Variants in POLR3B observed in about 807,000 individuals in gnomAD.
POLR3B encodes the protein RNA polymerase III subunit B, also known as DNA-directed RNA polymerase III subunit RPC2.
POLR3B carries 96 observed loss-of-function variants against 147.4 expected under a neutral mutation model. The observed-to-expected ratio is 0.65, with a 90% confidence interval of 0.55 to 0.77. The LOEUF (loss-of-function observed/expected upper bound fraction) is 0.77. POLR3B is among the 30% of genes least tolerant of loss of function. POLR3B has a pLI of 0.00. For synonymous variants in POLR3B, 461 were observed against 485.9 expected, an observed-to-expected ratio of 0.95 and a Z score of 0.67; for missense variants, 1,036 against 1,413.5, an observed-to-expected ratio of 0.73 and a Z score of 4.28.
In POLR3B at chr12:106,509,587, C is replaced by G. The variant is rs377492248; in HGVS notation, c.*38C>G. ...TGATTATTAAAGAGAACAAGTGATA[C>G]ATCCAATGCAACGGAAAGCAGAAGG... On this transcript the variant is annotated 3_prime_UTR_variant, in exon 28 of 28. Coordinates refer to ENST00000228347, the MANE Select transcript of POLR3B (RefSeq NM_018082.6). 5 of 1,574,354 alleles carry G rather than the reference C, an allele frequency of 3.2e-6. No individual in the cohort carries two copies. Among genetic ancestry groups the G allele is most frequent in the Non-Finnish European group, 4.4e-6 (5 of 1,146,402 alleles).
chr12:106,446,417 CAAAA>C (rs10654233), intron 19 of POLR3B: 941 of 157,822 alleles, frequency 6.0e-3, no homozygotes, highest in South Asian at 0.017. Context: ...CCTCTCCCCA[CAAAA>C]AAAAAAAAAA....
chr12:106,468,371 A>G (rs908664911), intron 23 of POLR3B, among the ~76,000 whole-genome samples: 4 of 152,014 alleles, frequency 2.6e-5, no homozygotes, highest in South Asian at 2.1e-4. Flanking sequence ...CTAGTGGTCT[A>G]TGTATTTTGT....
intron 23 of POLR3B, among the ~76,000 whole-genome samples, chr12:106,471,285 G>A (rs1311940420): frequency 1.3e-5 from 2 of 152,166 alleles, no homozygotes; most frequent in Non-Finnish European, 2.9e-5. Context: ...CACAGGAGGG[G>A]ATCTCCTGCT....
At chr12:106,379,661 C>A (rs773889821) in intron 8 of POLR3B, among the ~76,000 whole-genome samples, 3 of 152,124 alleles carry the variant, frequency 2.0e-5, no homozygotes, top group Non-Finnish European at 2.9e-5. Flanking sequence ...AAATTCATTT[C>A]TTTTTAATTT....
intron 25 of POLR3B, chr12:106,500,167 G>A (rs192265188): frequency 2.6e-5 from 12 of 455,968 alleles, no homozygotes; most frequent in Middle Eastern, 3.3e-4. Flanking sequence ...GTAGCACATG[G>A]TAGTTGCTTC....
intron 27 of POLR3B, among the ~76,000 whole-genome samples, chr12:106,508,923 G>C (rs1247764608): frequency 6.6e-6 from 1 of 152,154 alleles, no homozygotes; most frequent in African/African-American, 2.4e-5. Flanking sequence ...CAGACTTTAC[G>C]TATCTCAGTG....
chr12:106,492,701 A>T (rs964132443), intron 23 of POLR3B, among the ~76,000 whole-genome samples: 6 of 152,236 alleles, frequency 3.9e-5, no homozygotes, highest in Non-Finnish European at 7.3e-5. Flanking sequence ...GAAGCATGAT[A>T]CAGAGAGCTG....
chr12:106,448,968 T>A (rs1409375103), intron 19 of POLR3B, among the ~76,000 whole-genome samples: 1 of 152,134 alleles, frequency 6.6e-6, no homozygotes, highest in African/African-American at 2.4e-5. Flanking sequence ...CCTTTTCTGG[T>A]AGAATGTAAA....
intron 23 of POLR3B, among the ~76,000 whole-genome samples, chr12:106,472,876 C>G (rs1210413112): frequency 7.4e-6 from 1 of 135,824 alleles, no homozygotes; most frequent in East Asian, 1.9e-4. Flanking sequence ...AATGAGATCC[C>G]ATTTGTCAAT....
At chr12:106,410,117 A>G (rs2037205771) in intron 11 of POLR3B, 1 of 152,302 alleles carries the variant, frequency 6.6e-6, no homozygotes, top group Non-Finnish European at 1.5e-5. Context: ...TGCATGACAA[A>G]CAATTCTAAA....
intron 9 of POLR3B, among the ~76,000 whole-genome samples, chr12:106,381,213 A>G (rs1472090215): frequency 6.6e-6 from 1 of 152,210 alleles, no homozygotes; most frequent in African/African-American, 2.4e-5. Flanking sequence ...GAAGTTTACC[A>G]CAGCTATTGA....
chr12:106,468,256 A>T (rs12372552), intron 23 of POLR3B, among the ~76,000 whole-genome samples: 144,643 of 152,324 alleles, frequency 0.95, 68,716 homozygotes, highest in East Asian at 1. Flanking sequence ...TTTATAATAT[A>T]CTCTGATGGT....
chr12:106,468,888 G>A (rs1027632843), intron 23 of POLR3B, among the ~76,000 whole-genome samples: 18 of 152,138 alleles, frequency 1.2e-4, no homozygotes, highest in East Asian at 9.6e-4. Flanking sequence ...GAATAAGTGC[G>A]ATGTGGTGCT....
At chr12:106,403,552 A>C (rs2037103201) in intron 10 of POLR3B, among the ~76,000 whole-genome samples, 1 of 152,180 alleles carries the variant, frequency 6.6e-6, no homozygotes, top group Admixed American at 6.5e-5. Flanking sequence ...AAAGACTTAG[A>C]ATCAACCCAA....
At chr12:106,365,478 C>T (rs1226702267) in intron 2 of POLR3B, among the ~76,000 whole-genome samples, 1 of 152,134 alleles carries the variant, frequency 6.6e-6, no homozygotes, top group African/African-American at 2.4e-5. Flanking sequence ...CCTCTGCCTC[C>T]CGAGTAGCTG....
chr12:106,485,339 C>T (rs76287011), intron 23 of POLR3B, among the ~76,000 whole-genome samples: 1,530 of 152,210 alleles, frequency 0.01, 15 homozygotes, highest in Non-Finnish European at 0.015. Flanking sequence ...AATTAAATCT[C>T]AACATGAGTT....
chr12:106,374,256 A>T (rs1254625889), intron 6 of POLR3B, among the ~76,000 whole-genome samples: 1 of 152,054 alleles, frequency 6.6e-6, no homozygotes, highest in Non-Finnish European at 1.5e-5. Context: ...TCACTCTGTC[A>T]CCCAGGCCAG....
intron 15 of POLR3B, 146 bp from the exon 16 acceptor site, chr12:106,433,573 C>A: frequency 1.6e-6 from 1 of 638,140 alleles, no homozygotes; most frequent in African/African-American, 1.8e-5. Flanking sequence ...TGCTTCCCTG[C>A]AACCTTGTGG....
intron 23 of POLR3B, among the ~76,000 whole-genome samples, chr12:106,478,525 G>A: frequency 6.6e-6 from 1 of 151,456 alleles, no homozygotes; most frequent in African/African-American, 2.4e-5. Context: ...TTTCCAGATG[G>A]CTTTTAATCC....
Sources: allele counts gnomAD v4.1 joint callset (sites outside exome capture counted in the v4.1 genomes callset), GRCh38; gene constraint gnomAD v4.1.1; transcripts MANE v1.5; gene names NCBI Gene and HGNC (gene_info 2026-07-23, HGNC 2026-07-21).